Variants in PPARGC1A observed in about 807,000 individuals in gnomAD.
The protein encoded by PPARGC1A is peroxisome proliferator-activated receptor gamma coactivator 1-alpha.
PPARGC1A carries 25 observed loss-of-function variants against 88.7 expected under a neutral mutation model. The observed-to-expected ratio is 0.28, with a 90% CI of 0.21 to 0.39. PPARGC1A has a LOEUF of 0.39. PPARGC1A is among the 10% of genes least tolerant of loss of function. The probability of loss-of-function intolerance (pLI) is 1.00; values close to 1 mark genes in which losing one functional copy is unlikely to be tolerated. For synonymous variants in PPARGC1A, 363 were observed against 355.6 expected (o/e 1.02, Z -0.24); for missense variants, 880 against 968.7 (o/e 0.91, Z 1.22).
At chr4:24,288,363 C>CT in the PPARGC1A span, among the ~76,000 whole-genome samples, 1 of 152,234 alleles carries the variant, frequency 6.6e-6, no homozygotes, top group East Asian at 1.9e-4. Flanking sequence ...AACTAAGGGT[C>CT]TTTTTATCAG....
chr4:24,471,176 C>G, the PPARGC1A span, among the ~76,000 whole-genome samples: 5 of 151,902 alleles, frequency 3.3e-5, no homozygotes, highest in Non-Finnish European at 5.9e-5. The surrounding 1 kb of genome is among the most constrained non-coding windows in gnomAD (Gnocchi z 5.4). Flanking sequence ...GGGCCAGCTC[C>G]CCCCGCGGTG....
At chr4:24,260,631 C>A in the PPARGC1A span, among the ~76,000 whole-genome samples, 2 of 152,118 alleles carry the variant, frequency 1.3e-5, no homozygotes, top group East Asian at 1.9e-4. Flanking sequence ...AGGGCAGAGT[C>A]GTGGTATGTT....
At chr4:24,436,758 TCGA>T in the PPARGC1A span, among the ~76,000 whole-genome samples, 1 of 125,358 alleles carries the variant, frequency 8.0e-6, no homozygotes, top group Non-Finnish European at 1.6e-5. Flanking sequence ...AGAGCTGACA[TCGA>T]TTGGCCACCC....
chr4:24,249,270 CT>C, the PPARGC1A span, among the ~76,000 whole-genome samples: 1,112 of 150,284 alleles, frequency 7.4e-3, 75 homozygotes, highest in East Asian at 0.16. Flanking sequence ...TGCACTCCTA[CT>C]TTTTTTTTTC....
At chr4:24,323,069 C>T in the PPARGC1A span, among the ~76,000 whole-genome samples, 2 of 152,106 alleles carry the variant, frequency 1.3e-5, no homozygotes, top group Non-Finnish European at 2.9e-5. Flanking sequence ...TTCTGGGTGG[C>T]TCAACTGCTG....
chr4:24,165,862 C>T, the PPARGC1A span, among the ~76,000 whole-genome samples: 1 of 152,086 alleles, frequency 6.6e-6, no homozygotes, highest in East Asian at 1.9e-4. Flanking sequence ...CAATATTAAG[C>T]TAATTAGTAA....
At chr4:24,140,746 T>A in the PPARGC1A span, among the ~76,000 whole-genome samples, 1 of 152,194 alleles carries the variant, frequency 6.6e-6, no homozygotes, top group Non-Finnish European at 1.5e-5. Context: ...TAGTTCCTCA[T>A]GAACATGCTT....
intron 10 of PPARGC1A, among the ~76,000 whole-genome samples, chr4:23,809,005 G>T (rs1334932746): frequency 6.6e-6 from 1 of 151,022 alleles, no homozygotes. Flanking sequence ...CTAAATATAT[G>T]ATTGCTTTGA....
chr4:23,886,534 G>GA (rs1378926758), intron 1 of PPARGC1A, among the ~76,000 whole-genome samples: 2 of 152,068 alleles, frequency 1.3e-5, no homozygotes, highest in Admixed American at 6.6e-5. Flanking sequence ...CAAAGAAAGG[G>GA]CCCTCCTCAC....
the PPARGC1A span, among the ~76,000 whole-genome samples, chr4:24,124,098 A>C: frequency 6.6e-6 from 1 of 152,122 alleles, no homozygotes; most frequent in Non-Finnish European, 1.5e-5. Flanking sequence ...AAGATGTCAG[A>C]AATGGCTGTG....
chr4:24,272,716 A>G, the PPARGC1A span, among the ~76,000 whole-genome samples: 1 of 152,220 alleles, frequency 6.6e-6, no homozygotes, highest in African/African-American at 2.4e-5. Flanking sequence ...CTACATTTCC[A>G]TACTGTTTCA....
chr4:24,428,557 A>T, the PPARGC1A span, among the ~76,000 whole-genome samples: 2 of 152,200 alleles, frequency 1.3e-5, no homozygotes, highest in Non-Finnish European at 2.9e-5. Flanking sequence ...TTTCTCAAAG[A>T]TTACCTAAGT....
chr4:24,030,798 GGAAGA>G, the PPARGC1A span, among the ~76,000 whole-genome samples: 19 of 152,172 alleles, frequency 1.2e-4, no homozygotes, highest in Admixed American at 1.3e-4. Flanking sequence ...AATGGAAGGT[GGAAGA>G]GAAAAGACGT....
At chr4:24,366,265 G>A in the PPARGC1A span, among the ~76,000 whole-genome samples, 3 of 152,070 alleles carry the variant, frequency 2.0e-5, no homozygotes, top group Admixed American at 6.6e-5. Context: ...GAGAGTTATC[G>A]TTTATGTAGC....
the PPARGC1A span, among the ~76,000 whole-genome samples, chr4:24,085,515 C>T: frequency 1.3e-5 from 2 of 152,164 alleles, no homozygotes; most frequent in Non-Finnish European, 2.9e-5. Context: ...TCAGGTACAC[C>T]TGTGTTGGGT....
the PPARGC1A span, among the ~76,000 whole-genome samples, chr4:24,279,244 G>A: frequency 3.9e-5 from 6 of 152,100 alleles, no homozygotes; most frequent in East Asian, 1.9e-4. Context: ...GCTTTTTCCC[G>A]CTACAAATAT....
chr4:23,802,109 C>T, intron 11 of PPARGC1A, 115 bp downstream of exon 11: 5 of 1,445,828 alleles, frequency 3.5e-6, no homozygotes, highest in Non-Finnish European at 4.8e-6. Flanking sequence ...GTTCTGAACT[C>T]AACATGTCAT....
chr4:23,904,302 C>T (rs1719776217), upstream of PPARGC1A, among the ~76,000 whole-genome samples: 1 of 152,206 alleles, frequency 6.6e-6, no homozygotes, highest in South Asian at 2.1e-4. Context: ...GCAATTGAGA[C>T]AGGTGGTTCC....
the PPARGC1A span, among the ~76,000 whole-genome samples, chr4:24,303,517 GTGTTA>G: frequency 1.4e-4 from 21 of 152,140 alleles, no homozygotes; most frequent in East Asian, 5.8e-4. Flanking sequence ...AATCAAAATT[GTGTTA>G]TGTTATCTAC....
Sources: allele counts gnomAD v4.1 joint callset (sites outside exome capture counted in the v4.1 genomes callset), GRCh38; gene constraint gnomAD v4.1.1; non-coding constraint Gnocchi (gnomAD v3.1); transcripts MANE v1.5; gene names NCBI Gene and HGNC (gene_info 2026-07-23, HGNC 2026-07-21).